The following VPS54 variants were observed in gnomAD, a reference collection of about 807,000 sequenced individuals.
The protein encoded by VPS54 is vacuolar protein sorting-associated protein 54.
A neutral mutation model predicts 121.5 loss-of-function variants in VPS54; 45 were observed. The observed-to-expected ratio is 0.37, with a 90% CI of 0.29 to 0.47. The LOEUF is 0.47. VPS54 is among the 20% of genes least tolerant of loss of function. The pLI, the probability that VPS54 is intolerant of heterozygous loss-of-function variation, is 0.99. For missense variants in VPS54, 1,090 were observed against 1,131.4 expected, an observed-to-expected ratio of 0.96 and a Z score of 0.52; for synonymous variants, 371 against 385.8, an observed-to-expected ratio of 0.96 and a Z score of 0.45.
chr2:63,895,292 A>G (rs1672400521), intron 22 of VPS54, among the ~76,000 whole-genome samples: 1 of 152,172 alleles, frequency 6.6e-6, no homozygotes, highest in African/African-American at 2.4e-5. Flanking sequence ...CGTCTCTACT[A>G]AAAATACAAA....
At chr2:63,913,111 G>A (rs897968738) in intron 18 of VPS54, 112 bp downstream of exon 18, 9 of 810,166 alleles carry the variant, frequency 1.1e-5, no homozygotes, top group Non-Finnish European at 1.7e-5. Flanking sequence ...TATTTTTAGA[G>A]TAATGCCACT....
At chr2:63,965,997 A>G (rs201129085) in intron 5 of VPS54, 31 bp from the exon 6 acceptor site, 47 of 1,593,594 alleles carry the variant, frequency 2.9e-5, no homozygotes, top group East Asian at 4.5e-5. Context: ...CCTCAATTAG[A>G]TAAGTATTTT....
At chr2:63,926,046 GTTC>G (rs1255614639) in intron 12 of VPS54, among the ~76,000 whole-genome samples, 3 of 152,230 alleles carry the variant, frequency 2.0e-5, no homozygotes, top group Non-Finnish European at 4.4e-5. Flanking sequence ...GGTGGGCTTA[GTTC>G]TACCCAAATT....
intron 22 of VPS54, among the ~76,000 whole-genome samples, chr2:63,894,930 C>T (rs1275754118): frequency 6.6e-6 from 1 of 151,768 alleles, no homozygotes; most frequent in African/African-American, 2.4e-5. Flanking sequence ...GGAAATGTTA[C>T]CTAAAGGCTG....
chr2:63,899,107 A>T (rs911584094), intron 21 of VPS54, among the ~76,000 whole-genome samples: 1 of 152,172 alleles, frequency 6.6e-6, no homozygotes, highest in Non-Finnish European at 1.5e-5. Flanking sequence ...TCCATATCCA[A>T]TTTGAATTAC....
At chr2:63,905,441 T>C (rs549274631) in intron 20 of VPS54, among the ~76,000 whole-genome samples, 150 of 151,676 alleles carry the variant, frequency 9.9e-4, no homozygotes, top group African/African-American at 3.6e-3. Context: ...ACAGATGAAA[T>C]AGATAAATCC....
chr2:64,003,001 G>T (rs1290964403), intron 1 of VPS54, among the ~76,000 whole-genome samples: 1 of 152,162 alleles, frequency 6.6e-6, no homozygotes, highest in Non-Finnish European at 1.5e-5. Flanking sequence ...TTATTCATAA[G>T]ATGTAGATGT....
At chr2:63,931,381 C>A (rs1020621693) in intron 12 of VPS54, among the ~76,000 whole-genome samples, 3 of 152,130 alleles carry the variant, frequency 2.0e-5, no homozygotes, top group Admixed American at 6.5e-5. Flanking sequence ...CTTTGACAAA[C>A]CTGACACATA....
intron 7 of VPS54, among the ~76,000 whole-genome samples, chr2:63,957,441 CAAAAAA>C (rs10551633): frequency 2.3e-4 from 21 of 90,120 alleles, no homozygotes; most frequent in Non-Finnish European, 4.3e-4. Flanking sequence ...GACTCCATCT[CAAAAAA>C]AAAAAAAAAA....
In VPS54 at chr2:63,916,960, G is replaced by C. The variant is rs1673407042; in HGVS notation, c.2168C>G (p.Thr723Arg). Reference protein sequence around the residue: ...IALPEKKSGATEERKPAEVLI... With the variant: ...IALPEKKSGAREERKPAEVLI... ...AACTTCAGCTGGTTTCCTTTCTTCT[G>C]TGGCTACAGAGTTAAGCAAATAAAC... is the stretch of plus-strand genomic sequence containing the variant. The change falls in exon 16 of 23, where the codon ACA (threonine) becomes AGA (arginine). Residue 723 changes from threonine (T) to arginine (R), a missense_variant. Thr to Arg is a moderately conservative substitution (Grantham distance 71, BLOSUM62 -1). This residue lies in a region of VPS54 where 289 missense variants were observed against 374.4 expected (regional missense o/e 0.77). Transcript: ENST00000272322. 2 of 1,613,356 alleles carry C rather than the reference G, an allele frequency of 1.2e-6. No homozygotes were observed. Among genetic ancestry groups the C allele is most frequent in the Non-Finnish European group, 1.7e-6 (2 of 1,179,612 alleles).
intron 3 of VPS54, among the ~76,000 whole-genome samples, chr2:63,977,089 A>C (rs1481446334): frequency 3.3e-5 from 5 of 152,130 alleles, no homozygotes; most frequent in Non-Finnish European, 7.4e-5. Context: ...TCAGCCTCCC[A>C]AAGTGCTGGG....
chr2:63,900,050 C>T (rs1010234884), intron 20 of VPS54, among the ~76,000 whole-genome samples: 14 of 152,020 alleles, frequency 9.2e-5, no homozygotes, highest in Admixed American at 1.3e-4. Context: ...AAACAGATTA[C>T]GTTTTAAACA....
intron 20 of VPS54, among the ~76,000 whole-genome samples, chr2:63,900,553 TG>T (rs1259432771): frequency 7.2e-5 from 11 of 152,212 alleles, no homozygotes; most frequent in African/African-American, 2.7e-4. Flanking sequence ...TATCTCCCTT[TG>T]GGGAGATAAC....
intron 20 of VPS54, among the ~76,000 whole-genome samples, chr2:63,907,556 A>G (rs1405400508): frequency 1.3e-5 from 2 of 151,768 alleles, no homozygotes; most frequent in Non-Finnish European, 2.9e-5. Flanking sequence ...ATTTCTCAGG[A>G]TAGGACACAA....
At chr2:63,954,653 A>G (rs1000943581) in intron 7 of VPS54, among the ~76,000 whole-genome samples, 1 of 152,090 alleles carries the variant, frequency 6.6e-6, no homozygotes, top group African/African-American at 2.4e-5. Context: ...CTAATCATCA[A>G]AAGAGAGACT....
At chr2:63,913,068 G>A (rs1189735349) in intron 18 of VPS54, among the ~76,000 whole-genome samples, 155 bp downstream of exon 18, 1 of 151,924 alleles carries the variant, frequency 6.6e-6, no homozygotes, top group African/African-American at 2.4e-5. Context: ...GTTTTTTTCA[G>A]TGATGAGTAT....
intron 12 of VPS54, among the ~76,000 whole-genome samples, chr2:63,923,788 T>C (rs1673759538): frequency 6.6e-6 from 1 of 152,234 alleles, no homozygotes; most frequent in African/African-American, 2.4e-5. Context: ...AAATTGCAGG[T>C]TATTTTGAAG....
intron 11 of VPS54, among the ~76,000 whole-genome samples, chr2:63,935,272 G>A (rs1674399666): frequency 1.3e-5 from 2 of 152,252 alleles, no homozygotes; most frequent in South Asian, 4.1e-4. Context: ...ATTTGGAACT[G>A]AAAGCATTTT....
At chr2:63,972,117 C>A in intron 4 of VPS54, 49 bp downstream of exon 4, 1 of 1,246,798 alleles carries the variant, frequency 8.0e-7, no homozygotes, top group Non-Finnish European at 1.1e-6. Flanking sequence ...ATTTTGTTCA[C>A]TAATATTTAT....
Sources: gnomAD v4.1 joint callset for allele counts (sites outside exome capture counted in the v4.1 genomes callset) on GRCh38, gnomAD v4.1.1 for gene constraint, gnomAD v4.1.1 regional missense constraint, MANE v1.5 for transcripts, NCBI Gene and HGNC (gene_info 2026-07-23, HGNC 2026-07-21) for gene names.